The following SLC26A4 variants were observed in gnomAD, a reference collection of about 807,000 sequenced individuals.
The protein encoded by SLC26A4 is pendrin.
Under a neutral mutation model 90.4 loss-of-function variants are expected in SLC26A4, and 93 were observed. The observed-to-expected ratio is 1.03, with a 90% CI of 0.87 to 1.22. SLC26A4 has a LOEUF of 1.22. Among genes scored for constraint, SLC26A4 ranks in the 50% most tolerant of loss-of-function variants. The pLI is 0.00. For missense variants in SLC26A4, 1,127 were observed against 946.2 expected (o/e 1.19, Z -2.51); for synonymous variants, 393 against 354.6 (o/e 1.11, Z -1.22).
chr7:107,662,023 C>G (rs985067591), intron 2 of SLC26A4: 3 of 594,030 alleles, frequency 5.1e-6, no homozygotes, highest in Non-Finnish European at 8.9e-6. Flanking sequence ...AATGAACTTA[C>G]CTGGGAAACT....
chr7:107,664,529 G>A (rs892745318), intron 3 of SLC26A4, among the ~76,000 whole-genome samples: 5 of 151,732 alleles, frequency 3.3e-5, no homozygotes, highest in Non-Finnish European at 4.4e-5. Flanking sequence ...ACCATGCCCA[G>A]CCTCCCACAC....
At chr7:107,691,593 G>GA (rs1442463134) in intron 10 of SLC26A4, among the ~76,000 whole-genome samples, 5 of 148,280 alleles carry the variant, frequency 3.4e-5, no homozygotes, top group Non-Finnish European at 7.4e-5. Flanking sequence ...GAGAATAACT[G>GA]AAAAAACTAA....
rs994170964 is a variant in SLC26A4, at chr7:107,710,134, G to A, written c.2170G>A (p.Asp724Asn). Residue 724 changes from aspartate to asparagine, a missense_variant, in exon 19 of 21, where the codon GAT (aspartate) becomes AAT (asparagine). Asp to Asn is a conservative substitution (Grantham distance 23, BLOSUM62 1). Transcript: ENST00000644269. ...RKDTFFLTVH[D>N]AILYLQNQVK... ...GGACACATTCTTTTTGACGGTCCAT[G>A]ATGCTATACTCTATCTACAGAACCA... 7 of 1,609,112 alleles carry A rather than the reference G, an allele frequency of 4.4e-6. No individual in the cohort carries two copies. In the African/African-American group the frequency reaches 6.7e-5, roughly 15 times the overall value.
chr7:107,692,710 A>G (rs1420886061), intron 10 of SLC26A4, among the ~76,000 whole-genome samples: 1 of 152,190 alleles, frequency 6.6e-6, no homozygotes, highest in Non-Finnish European at 1.5e-5. Context: ...ACTGACTCAC[A>G]GAAAAGTAAT....
chr7:107,705,088 A>G (rs1792005337), intron 18 of SLC26A4, among the ~76,000 whole-genome samples: 1 of 152,188 alleles, frequency 6.6e-6, no homozygotes, highest in Admixed American at 6.5e-5. Flanking sequence ...TCTGGCTACT[A>G]AAAGCTGCAA....
At chr7:107,701,674 T>A (rs1791888991) in intron 16 of SLC26A4, among the ~76,000 whole-genome samples, 153 bp from the exon 17 acceptor site, 1 of 152,176 alleles carries the variant, frequency 6.6e-6, no homozygotes, top group Non-Finnish European at 1.5e-5. Context: ...AACATCAAAG[T>A]TTGGGCTGAG....
chr7:107,689,655 G>A (rs746691655), intron 9 of SLC26A4, among the ~76,000 whole-genome samples: 4 of 152,176 alleles, frequency 2.6e-5, no homozygotes, highest in African/African-American at 9.7e-5. Context: ...ACATTGCCAG[G>A]TAAGCTGATT....
At position 107,704,330 on chromosome 7, in the gene SLC26A4, G is replaced by T. The variant is rs1270574497; in HGVS notation, c.2035-1G>T. 2 of 1,336,686 alleles carry T rather than the reference G, an allele frequency of 1.5e-6. No individual in the cohort carries two copies. The highest frequency in any genetic ancestry group is 2.1e-6 in the Non-Finnish European group (2 of 932,650). 82.8% of individuals were successfully genotyped at this position (1,336,686 alleles called of 1,614,324 possible). ...TACAAACTCTCCTTTTTTATTTTTA[G>T]ATTGTCAAAGAATTCCAAAGAATTG... On this transcript the variant is annotated splice_acceptor_variant, in intron 17 of 20. Coordinates refer to ENST00000644269, the MANE Select transcript of SLC26A4 (RefSeq NM_000441.2). LOFTEE classifies it high-confidence loss of function.
At chr7:107,698,212 A>T in intron 14 of SLC26A4, 101 bp downstream of exon 14, 1 of 797,426 alleles carries the variant, frequency 1.3e-6, no homozygotes, top group Admixed American at 1.9e-5. Flanking sequence ...GAAAATGCCT[A>T]TTGGGAAAGT....
intron 2 of SLC26A4, chr7:107,662,031 A>C: frequency 1.7e-6 from 1 of 584,660 alleles, no homozygotes; most frequent in Non-Finnish European, 3.0e-6. Context: ...TACCTGGGAA[A>C]CTCGCCTTTG....
chr7:107,661,470 G>T lies in SLC26A4; in HGVS notation c.-3-169G>T. On this transcript the variant is annotated intron_variant, in intron 1 of 20. Coordinates refer to ENST00000644269, the MANE Select transcript of SLC26A4 (RefSeq NM_000441.2). The surrounding 1 kb of genome is among the most constrained non-coding windows in gnomAD (Gnocchi z 5.1). ...CTGCAGGCTGGCCGTGCGCGCCGTG[G>T]GGCGCTTGTCGCGAGCGCCGAGGGC... is the stretch of plus-strand genomic sequence containing the variant. The T allele has an allele frequency of 1.3e-6, 1 of 744,800 alleles. No individual in the cohort carries two copies. The highest frequency in any genetic ancestry group is 2.2e-6 in the Non-Finnish European group (1 of 450,366). 46.1% of individuals were successfully genotyped at this position (744,800 alleles called of 1,614,324 possible).
rs938669246 is a variant in SLC26A4, at chr7:107,675,117, T to C, written c.765+8T>C. 9 of 1,612,482 alleles carry C rather than the reference T, an allele frequency of 5.6e-6. No homozygotes were observed. Among genetic ancestry groups the C allele is most frequent in the Middle Eastern group, 1.6e-4 (1 of 6,078 alleles). On this transcript the variant is annotated splice_region_variant and intron_variant, in intron 6 of 20. Coordinates refer to ENST00000644269, the MANE Select transcript of SLC26A4 (RefSeq NM_000441.2). ...GTTCTCTCTATTATCTATGTAAGTG[T>C]TGCTTCTTGCTCCAGGGATGGGTCA...
intron 15 of SLC26A4, 91 bp from the exon 16 acceptor site, chr7:107,701,010 C>G (rs1791869889): frequency 4.9e-6 from 4 of 813,160 alleles, no homozygotes; most frequent in Admixed American, 1.8e-5. Context: ...AGGAATTATA[C>G]CCTTTGAGAA....
At chr7:107,696,187 T>C (rs952004513) in intron 13 of SLC26A4, 148 bp downstream of exon 13, 2 of 703,488 alleles carry the variant, frequency 2.8e-6, no homozygotes, top group East Asian at 2.6e-5. Context: ...GACAGTGTTT[T>C]ACAGACATAC....
chr7:107,679,834 T>A (rs1163014203), intron 6 of SLC26A4, among the ~76,000 whole-genome samples: 1 of 136,056 alleles, frequency 7.3e-6, no homozygotes. Flanking sequence ...TAATCTTATA[T>A]TATTATATAA....
intron 6 of SLC26A4, among the ~76,000 whole-genome samples, chr7:107,680,300 A>AATCTTATCTTATATTATT (rs79285399): frequency 0.24 from 7,957 of 33,560 alleles, 693 homozygotes; most frequent in African/African-American, 0.26. Context: ...CTTATTATAT[A>AATCTTATCTTATATTATT]ATATAATCTT....
At chr7:107,714,068 G>A (rs1470925658) in intron 20 of SLC26A4, among the ~76,000 whole-genome samples, 3 of 136,770 alleles carry the variant, frequency 2.2e-5, no homozygotes, top group African/African-American at 2.8e-5. Context: ...ACAGGCGCTC[G>A]CCACCACGTC....
intron 6 of SLC26A4, among the ~76,000 whole-genome samples, chr7:107,681,400 T>C (rs1000753049): frequency 1.3e-5 from 2 of 152,208 alleles, no homozygotes; most frequent in African/African-American, 4.8e-5. Flanking sequence ...CATTAAGTAC[T>C]TAAAGTTCAT....
chr7:107,672,946 T>C (rs1268586869), intron 4 of SLC26A4, among the ~76,000 whole-genome samples: 1 of 152,228 alleles, frequency 6.6e-6, no homozygotes, highest in Non-Finnish European at 1.5e-5. Context: ...TGGCTAGACA[T>C]GTCTACCTCG....
Sources: allele counts gnomAD v4.1 joint callset (sites outside exome capture counted in the v4.1 genomes callset), GRCh38; gene constraint gnomAD v4.1.1; non-coding constraint Gnocchi (gnomAD v3.1); transcripts MANE v1.5; gene names NCBI Gene and HGNC (gene_info 2026-07-23, HGNC 2026-07-21).